Variants in FNTB observed in about 807,000 individuals in gnomAD.
FNTB encodes farnesyltransferase, CAAX box, subunit beta.
A neutral mutation model predicts 59.4 loss-of-function variants in FNTB; 27 were observed. The ratio of observed to expected loss-of-function variants is 0.45; its 90% CI spans 0.34 to 0.63. The LOEUF (loss-of-function observed/expected upper bound fraction) is 0.63, where lower values mean the gene tolerates loss of function less well. Among genes scored for constraint, FNTB ranks in the 20% least tolerant of loss-of-function variants. The pLI is 0.02. For synonymous variants in FNTB, 230 were observed against 220.7 expected (o/e 1.04, Z -0.37); for missense variants, 449 against 559.6 (o/e 0.80, Z 1.99).
chr14:64,987,714 A>G (rs1681462661), intron 1 of FNTB, among the ~76,000 whole-genome samples: 1 of 152,218 alleles, frequency 6.6e-6, no homozygotes, highest in Admixed American at 6.5e-5. Flanking sequence ...GCAGGAAAAC[A>G]GTTTGGAAAG....
intron 11 of FNTB, among the ~76,000 whole-genome samples, chr14:65,058,730 A>G (rs1290467767): frequency 1.3e-5 from 2 of 152,184 alleles, no homozygotes; most frequent in Non-Finnish European, 2.9e-5. Context: ...TTTCTTCTTT[A>G]ATATGATATG....
chr14:65,035,684 C>T (rs1218232972), intron 7 of FNTB, among the ~76,000 whole-genome samples: 1 of 151,108 alleles, frequency 6.6e-6, no homozygotes, highest in African/African-American at 2.4e-5. Context: ...CGCGTGCCAC[C>T]ATAACCAGCT....
intron 1 of FNTB, among the ~76,000 whole-genome samples, chr14:64,989,333 A>G (rs1239663802): frequency 1.3e-5 from 2 of 149,974 alleles, no homozygotes; most frequent in South Asian, 2.1e-4. Context: ...AGTCCCAGCT[A>G]CTTGGGAAGC....
At chr14:65,053,436 C>A in intron 10 of FNTB, 87 bp downstream of exon 10, 1 of 1,156,414 alleles carries the variant, frequency 8.6e-7, no homozygotes, top group Non-Finnish European at 1.1e-6. Context: ...AGCCAGATCT[C>A]AAGAGCAGAG....
At chr14:65,022,101 A>G (rs566428931) in intron 4 of FNTB, 4 of 455,894 alleles carry the variant, frequency 8.8e-6, no homozygotes, top group African/African-American at 2.0e-5. Context: ...TCACCTGTCC[A>G]TTGTCATATT....
At chr14:65,049,571 G>A (rs2062561300) in intron 9 of FNTB, among the ~76,000 whole-genome samples, 3 of 152,104 alleles carry the variant, frequency 2.0e-5, no homozygotes, top group Non-Finnish European at 4.4e-5. Flanking sequence ...TTTGAACTTT[G>A]AGCTTCTATG....
In FNTB at chr14:65,056,530, G is replaced by A. The variant is rs553448575; in HGVS notation, c.1182+1841G>A. Among the ~76,000 whole-genome samples, 5 of 152,272 alleles carry A rather than the reference G, an allele frequency of 3.3e-5. No individual in the cohort carries two copies. In the East Asian group the frequency reaches 9.7e-4, roughly 29 times the overall value. On this transcript the variant is annotated intron_variant, in intron 11 of 11. Coordinates refer to ENST00000246166, the MANE Select transcript of FNTB (RefSeq NM_002028.4). ...ACCTTTTCCTTTTTGCCAATTTGAT[G>A]GGTGTGAAGTGGTATTTGTTTGATT...
intron 2 of FNTB, among the ~76,000 whole-genome samples, 182 bp downstream of exon 2, chr14:65,004,495 T>C (rs1470147990): frequency 6.6e-6 from 1 of 152,198 alleles, no homozygotes; most frequent in African/African-American, 2.4e-5. Flanking sequence ...GAATACTGTT[T>C]AGAGCGATTC....
chr14:65,025,314 T>C (rs976003054), intron 4 of FNTB, among the ~76,000 whole-genome samples: 1 of 152,228 alleles, frequency 6.6e-6, no homozygotes, highest in Non-Finnish European at 1.5e-5. Context: ...GGTGACTCTT[T>C]TTCTTTCTTT....
chr14:65,004,456 T>G (rs1367207360), intron 2 of FNTB, 143 bp downstream of exon 2: 1 of 850,492 alleles, frequency 1.2e-6, no homozygotes, highest in Non-Finnish European at 1.8e-6. Context: ...TACCTGGATA[T>G]GCTAAGACCC....
Position 64,997,184 on chromosome 14 carries a change from C to T in FNTB, c.145-7065C>T, listed in dbSNP as rs549430294. ...TGTAAAGGATAACCAGCGATTATTC[C>T]GGAGGTCACAAGATTTAGAGCTTTC... is the stretch of plus-strand genomic sequence containing the variant. On this transcript the variant is annotated intron_variant, in intron 1 of 11. Transcript: ENST00000246166. The surrounding 1 kb of genome is among the most constrained non-coding windows in gnomAD (Gnocchi z 4.5). 1.3e-5 allele frequency among the ~76,000 whole-genome samples: 2 copies of T among 152,090 alleles called. No individual in the cohort carries two copies. The highest frequency in any genetic ancestry group is 2.9e-5 in the Non-Finnish European group (2 of 68,016).
chr14:64,998,483 A>G (rs578033928), intron 1 of FNTB, among the ~76,000 whole-genome samples: 25 of 152,360 alleles, frequency 1.6e-4, no homozygotes, highest in African/African-American at 5.5e-4. Context: ...TTGGACAGGC[A>G]ATTGCTGGAC....
intron 2 of FNTB, among the ~76,000 whole-genome samples, chr14:65,005,321 T>A (rs2139481096): frequency 6.6e-6 from 1 of 152,358 alleles, no homozygotes; most frequent in Non-Finnish European, 1.5e-5. Context: ...TATTAGTACT[T>A]CTCATGCAGT....
rs73270833 is a variant in FNTB at position 65,043,618 on chromosome 14, C to T, written c.823-693C>T. Among the ~76,000 whole-genome samples the T allele has an allele frequency of 0.011, 1,598 of 151,608 alleles. 39 individuals are homozygous for T. In the East Asian group the frequency reaches 0.11, roughly 11 times the overall value. The stretch of plus-strand genomic sequence containing the variant: ...CGGGTGGATCATGAGGTCAGGAGAT[C>T]GAGACCATCCTGGCTAACAAGGTGA... On this transcript the variant is annotated intron_variant, in intron 8 of 11. Coordinates refer to ENST00000246166, the MANE Select transcript of FNTB (RefSeq NM_002028.4).
Position 65,028,066 on chromosome 14 carries a change from A to G in FNTB, c.605+285A>G, listed in dbSNP as rs1471036306. Among the ~76,000 whole-genome samples the G allele has an allele frequency of 6.6e-6, 1 of 152,246 alleles. No individual in the cohort carries two copies. The highest frequency in any genetic ancestry group is 1.5e-5 in the Non-Finnish European group (1 of 68,044). On this transcript the variant is annotated intron_variant, in intron 6 of 11. Transcript: ENST00000246166. The surrounding 1 kb of genome is among the most constrained non-coding windows in gnomAD (Gnocchi z 4.4). ...TGTTTGGTACAAAATGATATACCAC[A>G]ATATAAATAACTGTATGGTGTAATG...
At chr14:65,037,315 G>T (rs1267042182) in intron 7 of FNTB, among the ~76,000 whole-genome samples, 1 of 147,470 alleles carries the variant, frequency 6.8e-6, no homozygotes, top group East Asian at 2.0e-4. Flanking sequence ...TGTTGGCCAG[G>T]CTGGTCTCGA....
Position 65,027,432 on chromosome 14 carries a change from G to T in FNTB, c.375-21G>T. On this transcript the variant is annotated intron_variant, in intron 4 of 11. Transcript: ENST00000246166. The surrounding 1 kb of genome is among the most constrained non-coding windows in gnomAD (Gnocchi z 5.7). ...ATGAATGCTCTCTGACTTTGTTTTTGCCCTTTGGCTGTGTACCTAGTGTGT... is the reference window on the plus strand; with the variant it reads ...ATGAATGCTCTCTGACTTTGTTTTTTCCCTTTGGCTGTGTACCTAGTGTGT... The T allele has an allele frequency of 6.2e-7, 1 of 1,610,750 alleles. No individual in the cohort carries two copies. Among genetic ancestry groups the T allele is most frequent in the Non-Finnish European group, 8.5e-7 (1 of 1,178,936 alleles).
chr14:64,996,944 G>T (rs1367013665), intron 1 of FNTB, among the ~76,000 whole-genome samples: 4 of 151,412 alleles, frequency 2.6e-5, no homozygotes, highest in Non-Finnish European at 5.9e-5. Context: ...ATCCTTTTAT[G>T]CATTCATAAA....
Position 65,030,647 on chromosome 14 carries a change from C to T in FNTB, c.606-1963C>T, listed in dbSNP as rs1295225395. ...GCCTCAGCTGCTTAGGAGGCTGAGGCAAGATCAGTTTGAGCCCAGGAGTTT... is the reference window on the plus strand; with the variant it reads ...GCCTCAGCTGCTTAGGAGGCTGAGGTAAGATCAGTTTGAGCCCAGGAGTTT... On this transcript the variant is annotated intron_variant, in intron 6 of 11. Coordinates refer to ENST00000246166, the MANE Select transcript of FNTB (RefSeq NM_002028.4). The surrounding 1 kb of genome is among the most constrained non-coding windows in gnomAD (Gnocchi z 4.5). Among the ~76,000 whole-genome samples the T allele has an allele frequency of 6.6e-6, 1 of 151,734 alleles. No individual in the cohort carries two copies. The highest frequency in any genetic ancestry group is 1.5e-5 in the Non-Finnish European group (1 of 67,970).
Sources: allele counts gnomAD v4.1 joint callset (sites outside exome capture counted in the v4.1 genomes callset), GRCh38; gene constraint gnomAD v4.1.1; non-coding constraint Gnocchi (gnomAD v3.1); transcripts MANE v1.5; gene names NCBI Gene and HGNC (gene_info 2026-07-23, HGNC 2026-07-21).